The following TRPM3 variants were observed in gnomAD, a reference collection of about 807,000 sequenced individuals.
The protein encoded by TRPM3 is long transient receptor potential channel 3.
TRPM3 carries 77 observed loss-of-function variants against 181.2 expected under a neutral mutation model. That is an observed-to-expected ratio of 0.42 (90% CI 0.35 to 0.51). TRPM3 has a LOEUF of 0.51. Ranked by LOEUF, TRPM3 falls within the 20% of genes least tolerant of loss-of-function variation. The pLI is 0.01. For missense variants in TRPM3, 1,759 were observed against 2,196.7 expected (o/e 0.80, Z 3.98); for synonymous variants, 745 against 796.4 (o/e 0.94, Z 1.09).
At position 70,548,864 on chromosome 9, in the gene TRPM3, CT is replaced by C. The variant is rs1427143652; in HGVS notation, c.3707+677del. On this transcript the variant is annotated intron_variant, in intron 25 of 25. Transcript: ENST00000677713. Reference sequence around the variant, plus strand: ...GATCTTGTGCTCTCTCTCTCTCTCTCTCTCTTTTTAATACGCTGAGGTGTAT... The same window carrying C: ...GATCTTGTGCTCTCTCTCTCTCTCTCCTCTTTTTAATACGCTGAGGTGTAT... 4.6e-4 allele frequency among the ~76,000 whole-genome samples: 70 copies of C among 152,144 alleles called. 1 individual carries two copies. Among genetic ancestry groups the C allele is most frequent in the Admixed American group, 4.3e-3 (65 of 15,278 alleles).
At chr9:70,895,021 T>C (rs112186893) in intron 1 of TRPM3, among the ~76,000 whole-genome samples, 3,020 of 152,308 alleles carry the variant, frequency 0.02, 54 homozygotes, top group Middle Eastern at 0.048. Flanking sequence ...AGAGCTTGTA[T>C]TTCTTCATCA....
intron 8 of TRPM3, among the ~76,000 whole-genome samples, chr9:70,757,931 G>A (rs2135223670): frequency 6.6e-6 from 1 of 152,276 alleles, no homozygotes; most frequent in Non-Finnish European, 1.5e-5. Context: ...AGACAGGGAT[G>A]CCCTCTCTCA....
upstream of TRPM3, among the ~76,000 whole-genome samples, chr9:71,121,972 T>C (rs1169266352): frequency 6.6e-6 from 1 of 152,210 alleles, no homozygotes; most frequent in Non-Finnish European, 1.5e-5. Flanking sequence ...TAACCGTGAT[T>C]GACAGTCTTC....
chr9:70,902,034 G>A (rs2133034454), intron 1 of TRPM3, among the ~76,000 whole-genome samples: 1 of 152,314 alleles, frequency 6.6e-6, no homozygotes, highest in South Asian at 2.1e-4. Context: ...ATGTTCTTTG[G>A]TAGTTGGGGG....
At chr9:71,021,499 G>A (rs935914667) in intron 1 of TRPM3, among the ~76,000 whole-genome samples, 1 of 152,172 alleles carries the variant, frequency 6.6e-6, no homozygotes, top group African/African-American at 2.4e-5. Flanking sequence ...TATTGAAATA[G>A]ACAAGGGGTT....
At chr9:70,900,244 G>T (rs1316382677) in intron 1 of TRPM3, among the ~76,000 whole-genome samples, 1 of 152,138 alleles carries the variant, frequency 6.6e-6, no homozygotes, top group Non-Finnish European at 1.5e-5. Context: ...GGAAGGCTGA[G>T]GCAGGAGAAT....
At chr9:70,680,225 C>T (rs2065080827) in intron 9 of TRPM3, among the ~76,000 whole-genome samples, 1 of 152,158 alleles carries the variant, frequency 6.6e-6, no homozygotes. Context: ...TAGCGAATTA[C>T]TTAACTTCCT....
chr9:71,271,629 A>AAG (rs2132130220), intron 1 of TRPM3, among the ~76,000 whole-genome samples: 1 of 143,550 alleles, frequency 7.0e-6, no homozygotes, highest in East Asian at 2.3e-4. Flanking sequence ...GAAGAAGAAG[A>AAG]AAAAAAAAAA....
intron 3 of TRPM3, among the ~76,000 whole-genome samples, chr9:70,849,732 T>C (rs1332131614): frequency 6.6e-6 from 1 of 152,182 alleles, no homozygotes; most frequent in African/African-American, 2.4e-5. Context: ...GGAATTTAAG[T>C]ATGAATGTTA....
intron 1 of TRPM3, among the ~76,000 whole-genome samples, chr9:71,322,796 T>A (rs2089355681): frequency 6.6e-6 from 1 of 152,152 alleles, no homozygotes; most frequent in Non-Finnish European, 1.5e-5. Flanking sequence ...TGCAATCCTC[T>A]CCAGATCCCA....
intron 1 of TRPM3, among the ~76,000 whole-genome samples, chr9:70,920,548 T>C (rs894310154): frequency 1.3e-5 from 2 of 152,178 alleles, no homozygotes; most frequent in African/African-American, 4.8e-5. Flanking sequence ...TTGGTCACTC[T>C]ATATTCTCCC....
chr9:71,446,722 C>T lies in TRPM3; in HGVS notation c.114G>A (p.Glu38=), dbSNP rs774861604. ...GCTTGGAACTTAACCTTTTCCACGA[C>T]TCGGCAAACCTGCCCCGGCTGGCGC... Residue 38 remains glutamate, a synonymous_variant, in exon 1 of 25, where the codon GAG becomes GAA. Transcript: ENST00000357533. 4.5e-6 allele frequency: 7 copies of T among 1,550,488 alleles called. No individual in the cohort carries two copies. The South Asian group carries it at 7.1e-5, about 16-fold the overall frequency.
intron 6 of TRPM3, among the ~76,000 whole-genome samples, chr9:70,806,854 T>C (rs2090809852): frequency 1.3e-5 from 2 of 152,172 alleles, no homozygotes; most frequent in Admixed American, 1.3e-4. Flanking sequence ...TTCAATGACT[T>C]GACATGATCT....
At chr9:70,956,264 A>G (rs1350195410) in intron 1 of TRPM3, among the ~76,000 whole-genome samples, 1 of 149,816 alleles carries the variant, frequency 6.7e-6, no homozygotes, top group African/African-American at 2.5e-5. Context: ...AAATAAATAA[A>G]GATAGCCTCA....
chr9:71,275,788 T>A (rs1466732839), intron 1 of TRPM3, among the ~76,000 whole-genome samples: 3 of 151,834 alleles, frequency 2.0e-5, no homozygotes, highest in Non-Finnish European at 4.4e-5. Flanking sequence ...GAATGATGAG[T>A]GCATAAATGC....
chr9:70,873,586 C>G (rs573618093), intron 1 of TRPM3, among the ~76,000 whole-genome samples: 75 of 151,976 alleles, frequency 4.9e-4, no homozygotes, highest in Non-Finnish European at 8.4e-4. Flanking sequence ...ATCTGAAATG[C>G]TAGGTTCTTC....
At chr9:70,673,603 C>T (rs991800072) in intron 9 of TRPM3, among the ~76,000 whole-genome samples, 3 of 151,992 alleles carry the variant, frequency 2.0e-5, no homozygotes, top group Admixed American at 2.0e-4. Flanking sequence ...TGCTTTTGCA[C>T]AAAATTTCAT....
At position 70,846,367 on chromosome 9, in the gene TRPM3, C is replaced by A. The variant is rs1371372470; in HGVS notation, c.676+11G>T. 4 of 1,611,886 alleles carry A rather than the reference C, an allele frequency of 2.5e-6. No homozygotes were observed. In the South Asian group the frequency reaches 4.4e-5, roughly 18 times the overall value. Reference sequence around the variant, plus strand: ...GCCTATGTTGACTTTCTCTGTTCCACTTGCAATTACCTGTGTTAACCCCTC... The same window carrying A: ...GCCTATGTTGACTTTCTCTGTTCCAATTGCAATTACCTGTGTTAACCCCTC... On this transcript the variant is annotated intron_variant, in intron 4 of 25. Coordinates refer to ENST00000677713, the MANE Select transcript of TRPM3 (RefSeq NM_001366145.2).
intron 3 of TRPM3, among the ~76,000 whole-genome samples, chr9:70,851,775 G>A (rs1398135356): frequency 6.6e-6 from 1 of 152,028 alleles, no homozygotes; most frequent in African/African-American, 2.4e-5. Context: ...CACACTACTC[G>A]TGGGATCTCT....
Sources: allele counts gnomAD v4.1 joint callset (sites outside exome capture counted in the v4.1 genomes callset), GRCh38; gene constraint gnomAD v4.1.1; transcripts MANE v1.5; gene names NCBI Gene and HGNC (gene_info 2026-07-23, HGNC 2026-07-21).